RBFOX1: variants seen among roughly 807,000 people sequenced by gnomAD.
RBFOX1 encodes RNA binding protein fox-1 homolog 1.
In RBFOX1, 8 loss-of-function variants were observed where a neutral mutation model predicts 57.7. That is an observed-to-expected ratio of 0.14 (90% CI 0.08 to 0.25). RBFOX1 has a LOEUF of 0.25. Ranked by LOEUF, RBFOX1 falls within the 10% of genes least tolerant of loss-of-function variation. The pLI is 1.00. For synonymous variants in RBFOX1, 326 were observed against 222.4 expected, an observed-to-expected ratio of 1.47 and a Z score of -4.15; for missense variants, 611 against 548.5, an observed-to-expected ratio of 1.11 and a Z score of -1.14.
At chr16:6,674,883 TTTTG>T (rs1320624811) in intron 3 of RBFOX1, among the ~76,000 whole-genome samples, 1 of 152,182 alleles carries the variant, frequency 6.6e-6, no homozygotes, top group South Asian at 2.1e-4. Context: ...CTGTTGTGTT[TTTTG>T]TTTGTTTGGT....
At chr16:7,250,273 T>C (rs1412147951) in intron 4 of RBFOX1, among the ~76,000 whole-genome samples, 1 of 152,228 alleles carries the variant, frequency 6.6e-6, no homozygotes, top group Non-Finnish European at 1.5e-5. Context: ...AAAATAACAC[T>C]GAAGAGTAAA....
chr16:7,144,951 C>G (rs1442630426), intron 4 of RBFOX1, among the ~76,000 whole-genome samples: 3 of 152,068 alleles, frequency 2.0e-5, no homozygotes, highest in Non-Finnish European at 4.4e-5. Context: ...AGCCCCTCTC[C>G]CCCTCCCCCA....
chr16:6,238,906 A>G (rs1429374859), intron 1 of RBFOX1, among the ~76,000 whole-genome samples: 2 of 152,230 alleles, frequency 1.3e-5, no homozygotes, highest in South Asian at 2.1e-4. Context: ...TAAACATCCA[A>G]TTATATTATT....
At chr16:6,762,325 A>G (rs1603616593) in intron 3 of RBFOX1, among the ~76,000 whole-genome samples, 1 of 152,180 alleles carries the variant, frequency 6.6e-6, no homozygotes, top group East Asian at 1.9e-4. Context: ...TAAACTAGTA[A>G]TATGTCAATG....
At chr16:7,168,233 GC>G (rs1213834824) in intron 4 of RBFOX1, among the ~76,000 whole-genome samples, 1 of 152,180 alleles carries the variant, frequency 6.6e-6, no homozygotes, top group Non-Finnish European at 1.5e-5. Flanking sequence ...CCCCTAGCAA[GC>G]TTTGGTTTGA....
intron 3 of RBFOX1, among the ~76,000 whole-genome samples, chr16:6,666,980 C>G (rs573587484): frequency 1.3e-5 from 2 of 152,154 alleles, no homozygotes; most frequent in Admixed American, 6.5e-5. Flanking sequence ...GGGCTTCTGA[C>G]TCTAGGATGG....
intron 4 of RBFOX1, among the ~76,000 whole-genome samples, chr16:7,394,260 AAAAAGAG>A (rs2098101671): frequency 2.0e-5 from 3 of 150,506 alleles, no homozygotes; most frequent in East Asian, 1.9e-4. Context: ...AAAAAAAAAA[AAAAAGAG>A]AGAAAGAAAT....
At chr16:7,621,060 A>G (rs1285450245) in intron 10 of RBFOX1, among the ~76,000 whole-genome samples, 3 of 152,074 alleles carry the variant, frequency 2.0e-5, no homozygotes, top group African/African-American at 7.2e-5. Context: ...GACCCCCTAG[A>G]TAAGAATCTG....
intron 2 of RBFOX1, among the ~76,000 whole-genome samples, chr16:5,480,788 C>T (rs775277261): frequency 7.9e-5 from 12 of 152,220 alleles, no homozygotes; most frequent in Non-Finnish European, 1.8e-4. Flanking sequence ...CCTTTCTTCT[C>T]AGTGCATGCA....
chr16:7,138,594 C>A (rs2072713739), intron 4 of RBFOX1, among the ~76,000 whole-genome samples: 1 of 152,106 alleles, frequency 6.6e-6, no homozygotes, highest in Non-Finnish European at 1.5e-5. Context: ...CCTTCATGGC[C>A]AGGAAATGTA....
intron 2 of RBFOX1, among the ~76,000 whole-genome samples, chr16:5,579,441 A>G (rs1345887993): frequency 6.6e-6 from 1 of 151,968 alleles, no homozygotes; most frequent in Non-Finnish European, 1.5e-5. Flanking sequence ...TGCTCCCCGC[A>G]TCCATGTGTG....
At chr16:7,006,659 T>C (rs1483257177) in intron 3 of RBFOX1, among the ~76,000 whole-genome samples, 1 of 152,114 alleles carries the variant, frequency 6.6e-6, no homozygotes, top group African/African-American at 2.4e-5. Context: ...TGATGCTCAT[T>C]CTGATCTTGA....
intron 4 of RBFOX1, among the ~76,000 whole-genome samples, chr16:5,957,638 G>C (rs185869808): frequency 2.0e-4 from 30 of 152,284 alleles, no homozygotes; most frequent in Admixed American, 1.0e-3. Context: ...ATGATGGGCA[G>C]CCTCGTTTTA....
At chr16:7,134,110 T>C (rs1161900998) in intron 4 of RBFOX1, among the ~76,000 whole-genome samples, 1 of 152,184 alleles carries the variant, frequency 6.6e-6, no homozygotes, top group Non-Finnish European at 1.5e-5. Flanking sequence ...TAAAATTGAC[T>C]GCCCTGCAAA....
At chr16:6,984,919 G>A (rs12919171) in intron 3 of RBFOX1, among the ~76,000 whole-genome samples, 65,223 of 152,056 alleles carry the variant, frequency 0.43, 17,200 homozygotes, top group Non-Finnish European at 0.59. Flanking sequence ...AGGATTACAG[G>A]TATGAGACAT....
intron 5 of RBFOX1, among the ~76,000 whole-genome samples, chr16:7,552,849 A>C (rs1164105818): frequency 6.6e-6 from 1 of 151,916 alleles, no homozygotes; most frequent in African/African-American, 2.4e-5. Flanking sequence ...CCCCCGGCTA[A>C]TTTTTGTGTT....
At chr16:7,347,751 T>C (rs1339134235) in intron 4 of RBFOX1, among the ~76,000 whole-genome samples, 2 of 152,204 alleles carry the variant, frequency 1.3e-5, no homozygotes, top group East Asian at 3.9e-4. Flanking sequence ...TCTCAATCTT[T>C]ATATCAGTGA....
chr16:5,922,489 C>A (rs552587667), intron 4 of RBFOX1, among the ~76,000 whole-genome samples: 1 of 152,274 alleles, frequency 6.6e-6, no homozygotes, highest in South Asian at 2.1e-4. Flanking sequence ...AAGTTCCTGC[C>A]CAGCTCAGGG....
At chr16:7,692,837 C>T (rs1224637758) in intron 14 of RBFOX1, among the ~76,000 whole-genome samples, 1 of 151,930 alleles carries the variant, frequency 6.6e-6, no homozygotes, top group African/African-American at 2.4e-5. Flanking sequence ...AATTATTATC[C>T]ATAACACATC....
Sources: gnomAD v4.1 joint callset for allele counts (sites outside exome capture counted in the v4.1 genomes callset) on GRCh38, gnomAD v4.1.1 for gene constraint, MANE v1.5 for transcripts, NCBI Gene and HGNC (gene_info 2026-07-23, HGNC 2026-07-21) for gene names.